Variants in HEATR6 observed in about 807,000 individuals in gnomAD.
The protein encoded by HEATR6 is HEAT repeat-containing protein 6.
Under a neutral mutation model 132.8 loss-of-function variants are expected in HEATR6, and 106 were observed. The observed-to-expected ratio is 0.80, with a 90% CI of 0.68 to 0.94. HEATR6 has a LOEUF of 0.94. HEATR6 is among the 40% of genes least tolerant of loss of function. The probability of loss-of-function intolerance (pLI) is 0.00; values close to 1 mark genes in which losing one functional copy is unlikely to be tolerated. For missense variants in HEATR6, 1,339 were observed against 1,425.1 expected, an observed-to-expected ratio of 0.94 and a Z score of 0.97; for synonymous variants, 529 against 537.8, an observed-to-expected ratio of 0.98 and a Z score of 0.23.
At position 60,043,877 on chromosome 17, in the gene HEATR6, G is replaced by C. The variant is rs1273524207; in HGVS notation, c.3232C>G (p.His1078Asp). ...GAGGCACTGGCCAAGCTCAAGAGGTGAATCAGTGCCTGGCAGATTTGGGTC... is the reference window on the plus strand; with the variant it reads ...GAGGCACTGGCCAAGCTCAAGAGGTCAATCAGTGCCTGGCAGATTTGGGTC... ...LRTQICQALI[H>D]LLSLASASDL... Residue 1078 changes from histidine to aspartate, a missense_variant, in exon 20 of 20, where the codon CAC becomes GAC. Transcript: ENST00000184956. 1.2e-6 allele frequency: 2 copies of C among 1,614,216 alleles called. No homozygotes were observed. Among genetic ancestry groups the C allele is most frequent in the Non-Finnish European group, 8.5e-7 (1 of 1,180,048 alleles).
intron 14 of HEATR6, among the ~76,000 whole-genome samples, chr17:60,054,437 G>T (rs1209286399): frequency 6.6e-6 from 1 of 152,222 alleles, no homozygotes; most frequent in Non-Finnish European, 1.5e-5. Flanking sequence ...TCTCCACTGA[G>T]CACTGCCTAG....
In HEATR6 at chr17:60,075,364, T is replaced by A. The variant is rs181787226; in HGVS notation, c.327+766A>T. On this transcript the variant is annotated intron_variant, in intron 2 of 19. Coordinates refer to ENST00000184956, the MANE Select transcript of HEATR6 (RefSeq NM_022070.5). ...ATGGAGTGATTCCTTTTTATTTTTT[T>A]AAAAATTGTTTAGTGACTCTGGGAT... Among the ~76,000 whole-genome samples, 47 of 152,282 alleles carry A rather than the reference T, an allele frequency of 3.1e-4. 1 individual carries two copies. The highest frequency in any genetic ancestry group is 9.6e-4 in the African/African-American group (40 of 41,558).
At chr17:60,065,284 G>A (rs2083234650) in intron 9 of HEATR6, among the ~76,000 whole-genome samples, 1 of 152,026 alleles carries the variant, frequency 6.6e-6, no homozygotes, top group Non-Finnish European at 1.5e-5. Flanking sequence ...GCTTCTGATG[G>A]GTCATCCAGA....
At chr17:60,065,106 C>CA (rs1444297953) in intron 9 of HEATR6, among the ~76,000 whole-genome samples, 1 of 152,196 alleles carries the variant, frequency 6.6e-6, no homozygotes, top group East Asian at 1.9e-4. Context: ...TGCCACCACT[C>CA]ATTTTTCCAT....
intron 5 of HEATR6, 88 bp downstream of exon 5, chr17:60,072,127 G>T: frequency 1.9e-6 from 1 of 520,338 alleles, no homozygotes; most frequent in Non-Finnish European, 3.4e-6. Flanking sequence ...CGAAGCTAAT[G>T]GTGCAAATTA....
chr17:60,044,177 A>G, intron 19 of HEATR6, 43 bp from the exon 20 acceptor site: 1 of 1,494,508 alleles, frequency 6.7e-7, no homozygotes. Context: ...CAGGCTTAGA[A>G]CTAGGTGGGG....
chr17:60,043,574 T>G lies in HEATR6; in HGVS notation c.3535A>C (p.Thr1179Pro), dbSNP rs750094327. 16 of 1,608,946 alleles carry G rather than the reference T, an allele frequency of 9.9e-6. No homozygotes were observed. The highest frequency in any genetic ancestry group is 1.4e-5 in the Non-Finnish European group (16 of 1,176,096). ...SGSQGALPGL[T>P]NQ Reference sequence around the variant, plus strand: ...GTATGGTGGGATCTTCACTGATTTGTTAACCCTGGGAGTGCCCCTTGTGAT... The same window carrying G: ...GTATGGTGGGATCTTCACTGATTTGGTAACCCTGGGAGTGCCCCTTGTGAT... Residue 1179 changes from threonine to proline, a missense_variant, in exon 20 of 20, where the codon ACA becomes CCA. Transcript: ENST00000184956.
chr17:60,073,903 A>G lies in HEATR6; in HGVS notation c.328-17T>C. ...AACAATTACCTAACAGGACAGGAAA[A>G]GATATATTCTGATCTAACTTTTAAA... On this transcript the variant is annotated splice_polypyrimidine_tract_variant and intron_variant, in intron 2 of 19. Transcript: ENST00000184956. The G allele has an allele frequency of 6.2e-7, 1 of 1,609,426 alleles. No individual in the cohort carries two copies. The highest frequency in any genetic ancestry group is 1.7e-4 in the Middle Eastern group (1 of 6,030).
intron 9 of HEATR6, 96 bp downstream of exon 9, chr17:60,066,113 G>A: frequency 8.5e-6 from 9 of 1,058,580 alleles, no homozygotes; most frequent in Non-Finnish European, 1.3e-5. Flanking sequence ...GTTACTAAGA[G>A]CTATATTCAG....
Position 60,049,708 on chromosome 17 carries a change from A to G in HEATR6, c.2425-6T>C, listed in dbSNP as rs776639744. 1.4e-4 allele frequency: 221 copies of G among 1,612,138 alleles called. No individual in the cohort carries two copies. Among genetic ancestry groups the G allele is most frequent in the Non-Finnish European group, 1.8e-4 (214 of 1,179,140 alleles). ...CACAGCATCTGCCTGTCATTCTGCAATGAGAAGGTTGACAAGGGAAAAATG... is the reference window on the plus strand; with the variant it reads ...CACAGCATCTGCCTGTCATTCTGCAGTGAGAAGGTTGACAAGGGAAAAATG... On this transcript the variant is annotated splice_polypyrimidine_tract_variant and splice_region_variant and intron_variant, in intron 15 of 19. Transcript: ENST00000184956.
intron 9 of HEATR6, 81 bp downstream of exon 9, chr17:60,066,128 G>T: frequency 8.3e-7 from 1 of 1,207,704 alleles, no homozygotes; most frequent in Non-Finnish European, 1.2e-6. Flanking sequence ...ATTCAGATCA[G>T]ACAGGATAAG....
At position 60,078,873 on chromosome 17, in the gene HEATR6, C is replaced by A; in HGVS notation, c.42G>T (p.Gln14His). ...VQVVGSWPSV[Q>H]PREAPREAIP... The stretch of plus-strand genomic sequence containing the variant: ...TTGCTTCCCGCGGTGCCTCCCGCGG[C>A]TGCACGGAAGGCCACGAACCGACAA... Residue 14 changes from glutamine to histidine, a missense_variant, in exon 1 of 20, where the codon CAG becomes CAT. Physicochemically the swap from Gln to His is conservative, Grantham distance 24. Transcript: ENST00000184956. The A allele has an allele frequency of 6.3e-7, 1 of 1,592,230 alleles. No homozygotes were observed.
At position 60,043,458 on chromosome 17, in the gene HEATR6, G is replaced by A; in HGVS notation, c.*105C>T. On this transcript the variant is annotated 3_prime_UTR_variant, in exon 20 of 20. Transcript: ENST00000184956. ...GCTGCTAAGTCATTCTAAATAAATAGTGAACGGATTGTTTCTGCCCCTAAG... is the reference window on the plus strand; with the variant it reads ...GCTGCTAAGTCATTCTAAATAAATAATGAACGGATTGTTTCTGCCCCTAAG... 1 of 974,538 alleles carries A rather than the reference G, an allele frequency of 1.0e-6. No homozygotes were observed. The highest frequency in any genetic ancestry group is 1.6e-6 in the Non-Finnish European group (1 of 640,762). The allele number at this position is 974,538 out of a possible 1,614,324, so 60.4% of individuals were successfully genotyped here.
rs201877781 is a variant in HEATR6 at position 60,069,867 on chromosome 17, GAC to G, written c.802-21_802-20del. On this transcript the variant is annotated intron_variant, in intron 6 of 19. Coordinates refer to ENST00000184956, the MANE Select transcript of HEATR6 (RefSeq NM_022070.5). Reference sequence around the variant, plus strand: ...TGAATTTCTAATAATGATGAATAAGGACACACACACACACACGAAACCAAAAA... The same window carrying G: ...TGAATTTCTAATAATGATGAATAAGGACACACACACACACGAAACCAAAAA... 2,955 of 1,539,992 alleles carry G rather than the reference GAC, an allele frequency of 1.9e-3. No individual in the cohort carries two copies. Among genetic ancestry groups the G allele is most frequent in the South Asian group, 3.6e-3 (312 of 86,156 alleles).
At chr17:60,049,082 A>G (rs534260296) in intron 16 of HEATR6, among the ~76,000 whole-genome samples, 30 of 146,136 alleles carry the variant, frequency 2.1e-4, no homozygotes, top group African/African-American at 6.8e-4. Context: ...ATTTATGTAT[A>G]ACACTACATA....
intron 7 of HEATR6, among the ~76,000 whole-genome samples, chr17:60,069,177 G>A (rs2083257114): frequency 6.6e-6 from 1 of 152,246 alleles, no homozygotes; most frequent in Non-Finnish European, 1.5e-5. Flanking sequence ...AAGGTGTGGA[G>A]ATGGTGCGCT....
In HEATR6 at chr17:60,067,495, T is replaced by C; in HGVS notation, c.1177A>G (p.Arg393Gly). 2 of 1,604,074 alleles carry C rather than the reference T, an allele frequency of 1.2e-6. No homozygotes were observed. Among genetic ancestry groups the C allele is most frequent in the Non-Finnish European group, 1.7e-6 (2 of 1,176,100 alleles). The part of the protein sequence containing the change: ...SSSFSSSSWK[R>G]VSSSESDFSD... ...AAGTCTGACTCACTACTGCTGACCC[T>C]TTTCCAACTGGAAGAACTGAAGGAT... The change falls in exon 8 of 20, where the codon AGG becomes GGG. Residue 393 changes from arginine (R) to glycine (G), a missense_variant. Coordinates refer to ENST00000184956, the MANE Select transcript of HEATR6 (RefSeq NM_022070.5).
At position 60,057,258 on chromosome 17, in the gene HEATR6, A is replaced by T; in HGVS notation, c.1869T>A (p.Pro623=). ...CAGGGGCTTTCTTCCACCAATCAGGAGGGCTGAGGTGAGGGGTTGCTGAAT... is the reference window on the plus strand; with the variant it reads ...CAGGGGCTTTCTTCCACCAATCAGGTGGGCTGAGGTGAGGGGTTGCTGAAT... The part of the protein sequence containing the change: ...NSNSATPHLS[P]PDWWKKAPAG... The change falls in exon 12 of 20, where the codon CCT becomes CCA. Residue 623 remains proline, a synonymous_variant. Coordinates refer to ENST00000184956, the MANE Select transcript of HEATR6 (RefSeq NM_022070.5). 2 of 1,614,136 alleles carry T rather than the reference A, an allele frequency of 1.2e-6. No individual in the cohort carries two copies. The highest frequency in any genetic ancestry group is 2.2e-5 in the East Asian group (1 of 44,888).
Position 60,069,829 on chromosome 17 carries a change from A to T in HEATR6, c.821T>A (p.Leu274His). The T allele has an allele frequency of 6.2e-7, 1 of 1,613,996 alleles. No individual in the cohort carries two copies. Among genetic ancestry groups the T allele is most frequent in the Non-Finnish European group, 8.5e-7 (1 of 1,180,002 alleles). The stretch of plus-strand genomic sequence containing the variant: ...GGGCATCTCTATGTTTAGTCCAGGG[A>T]GTCCGTGAAACATGAATTTCTAATA... Reference protein sequence around the residue: ...AVLKKFMFHGLPGLNIEMPTV... With the variant: ...AVLKKFMFHGHPGLNIEMPTV... Residue 274 changes from leucine (L) to histidine (H), a missense_variant, in exon 7 of 20, where the codon CTC (leucine) becomes CAC (histidine). Coordinates refer to ENST00000184956, the MANE Select transcript of HEATR6 (RefSeq NM_022070.5).
Sources: gnomAD v4.1 joint callset for allele counts (sites outside exome capture counted in the v4.1 genomes callset) on GRCh38, gnomAD v4.1.1 for gene constraint, MANE v1.5 for transcripts, NCBI Gene and HGNC (gene_info 2026-07-23, HGNC 2026-07-21) for gene names.